Variants in PILRA observed in about 807,000 individuals in gnomAD.
PILRA encodes paired immunoglobin like type 2 receptor alpha.
In PILRA, 37 loss-of-function variants were observed where a neutral mutation model predicts 33.1. That is an observed-to-expected ratio of 1.12 (90% confidence interval 0.86 to 1.47). The LOEUF (loss-of-function observed/expected upper bound fraction) is 1.47, where lower values mean the gene tolerates loss of function less well. Among genes scored for constraint, PILRA ranks in the 40% most tolerant of loss-of-function variants. PILRA has a pLI of 0.00. For missense variants in PILRA, 312 were observed against 376.2 expected (o/e 0.83, Z 1.41); for synonymous variants, 146 against 149.9 (o/e 0.97, Z 0.19).
chr7:100,374,534 C>A, intron 2 of PILRA, 101 bp downstream of exon 2: 1 of 1,418,946 alleles, frequency 7.0e-7, no homozygotes, highest in Non-Finnish European at 9.8e-7. Context: ...CTTCTTCTGA[C>A]GACCCCTAAG....
chr7:100,383,829 G>A (rs1791182467), intron 2 of PILRA, among the ~76,000 whole-genome samples: 1 of 152,006 alleles, frequency 6.6e-6, no homozygotes, highest in Non-Finnish European at 1.5e-5. Flanking sequence ...TAGAGACAGG[G>A]TTTCACCATG....
At chr7:100,387,583 G>A (rs1157769125) in intron 2 of PILRA, among the ~76,000 whole-genome samples, 2 of 152,230 alleles carry the variant, frequency 1.3e-5, no homozygotes, top group South Asian at 2.1e-4. Context: ...GTTCATGCTT[G>A]TAGTCCCAGC....
At position 100,399,246 on chromosome 7, in the gene PILRA, A is replaced by T. The variant is rs1244849097; in HGVS notation, c.708-45A>T. On this transcript the variant is annotated intron_variant, in intron 4 of 6. Transcript: ENST00000198536. Reference sequence around the variant, plus strand: ...GCCACCACCCAGCCCATGTCTTAAAATGCCCAACCTCTAACATATTTCCTG... The same window carrying T: ...GCCACCACCCAGCCCATGTCTTAAATTGCCCAACCTCTAACATATTTCCTG... 4 of 1,491,654 alleles carry T rather than the reference A, an allele frequency of 2.7e-6. No homozygotes were observed. The African/African-American group carries it at 5.5e-5, about 21-fold the overall frequency. The allele number at this position is 1,491,654 out of a possible 1,614,324, so 92.4% of individuals were successfully genotyped here. A position where few individuals can be genotyped will look rare whatever the true frequency, so the allele number is the denominator to read the frequency against.
rs148369006 is a variant in PILRA at position 100,396,646 on chromosome 7, C to CT, written c.674-1232dup. Among the ~76,000 whole-genome samples the CT allele has an allele frequency of 3.5e-3, 540 of 152,246 alleles. 4 individuals carry two copies. Among genetic ancestry groups the CT allele is most frequent in the African/African-American group, 0.012 (512 of 41,528 alleles). On this transcript the variant is annotated intron_variant, in intron 3 of 6. Coordinates refer to ENST00000198536, the MANE Select transcript of PILRA (RefSeq NM_013439.3). ...CAGCCTGGGTGACAAGAGCGAAACTCTGTCTCAAAAAATAAAGAAAAAAAG... is the reference window on the plus strand; with the variant it reads ...CAGCCTGGGTGACAAGAGCGAAACTCTTGTCTCAAAAAATAAAGAAAAAAAG...
At chr7:100,390,276 C>T (rs1254763999) in intron 3 of PILRA, among the ~76,000 whole-genome samples, 170 bp downstream of exon 3, 1 of 152,154 alleles carries the variant, frequency 6.6e-6, no homozygotes. Context: ...GAGGCTCCTG[C>T]AGTGGGGCGG....
chr7:100,395,944 G>T (rs925461558), intron 3 of PILRA, among the ~76,000 whole-genome samples: 4 of 152,034 alleles, frequency 2.6e-5, no homozygotes, highest in African/African-American at 9.7e-5. Flanking sequence ...GGCCAACATG[G>T]TGAAACACCA....
At chr7:100,396,834 C>T (rs1022061738) in intron 3 of PILRA, among the ~76,000 whole-genome samples, 3 of 151,674 alleles carry the variant, frequency 2.0e-5, no homozygotes, top group Non-Finnish European at 4.4e-5. Context: ...TGTCAGAAAC[C>T]GCAGGGAGGA....
upstream of PILRA, among the ~76,000 whole-genome samples, chr7:100,372,942 G>A (rs540744571): frequency 2.0e-5 from 3 of 152,168 alleles, no homozygotes; most frequent in South Asian, 2.1e-4. Flanking sequence ...CTTCCAGAAG[G>A]ACCAGTCTCT....
At chr7:100,373,943 G>A (rs1443793207) in intron 1 of PILRA, 101 bp from the exon 2 acceptor site, 30 of 1,463,560 alleles carry the variant, frequency 2.0e-5, no homozygotes, top group Non-Finnish European at 2.6e-5. Context: ...CCTGTCACAC[G>A]ACTGCCTGTG....
At chr7:100,384,795 T>C (rs1371106959) in intron 2 of PILRA, among the ~76,000 whole-genome samples, 2 of 152,066 alleles carry the variant, frequency 1.3e-5, no homozygotes, top group Non-Finnish European at 2.9e-5. Context: ...AGGATACCAC[T>C]GATATTTAAT....
chr7:100,381,338 C>G (rs961567756), intron 2 of PILRA, among the ~76,000 whole-genome samples: 13 of 150,160 alleles, frequency 8.7e-5, no homozygotes, highest in African/African-American at 3.2e-4. Flanking sequence ...TCCAGCTACT[C>G]AGGAGGATGA....
intron 2 of PILRA, among the ~76,000 whole-genome samples, chr7:100,374,929 T>A (rs1476963790): frequency 6.6e-6 from 1 of 152,168 alleles, no homozygotes; most frequent in African/African-American, 2.4e-5. Flanking sequence ...TGGCTGGCCC[T>A]GGGAGCCCTG....
At chr7:100,374,572 C>T (rs2130155737) in intron 2 of PILRA, 139 bp downstream of exon 2, 3 of 939,838 alleles carry the variant, frequency 3.2e-6, no homozygotes, top group East Asian at 2.6e-5. Context: ...AACACTTCCT[C>T]AGGCCTTTGC....
chr7:100,394,271 G>T (rs926843581), intron 3 of PILRA, among the ~76,000 whole-genome samples: 6 of 152,056 alleles, frequency 3.9e-5, no homozygotes, highest in African/African-American at 1.5e-4. Flanking sequence ...CTAAGAGCAG[G>T]TACAGTGGCA....
At chr7:100,373,386 G>C, upstream of PILRA, 1 of 574,250 alleles carries the variant, frequency 1.7e-6, no homozygotes, top group Admixed American at 3.0e-5. Context: ...CAGGAGGACG[G>C]GGACCGCGGC....
At chr7:100,381,971 G>C (rs1371309749) in intron 2 of PILRA, among the ~76,000 whole-genome samples, 1 of 152,072 alleles carries the variant, frequency 6.6e-6, no homozygotes, top group Non-Finnish European at 1.5e-5. Context: ...GCAGGGCTCG[G>C]GACCTGCAGC....
chr7:100,390,493 G>A (rs578104473), intron 3 of PILRA, among the ~76,000 whole-genome samples: 57 of 152,284 alleles, frequency 3.7e-4, no homozygotes, highest in African/African-American at 1.3e-3. Context: ...CACCTGCCAC[G>A]GCCTGGCTTG....
intron 3 of PILRA, among the ~76,000 whole-genome samples, chr7:100,396,593 A>G (rs1400297391): frequency 2.6e-5 from 4 of 152,198 alleles, no homozygotes; most frequent in Non-Finnish European, 5.9e-5. Context: ...CAGAGGTTAC[A>G]GTGAGCCTAG....
At chr7:100,389,541 C>T (rs1791333359) in intron 2 of PILRA, among the ~76,000 whole-genome samples, 2 of 149,448 alleles carry the variant, frequency 1.3e-5, no homozygotes, top group African/African-American at 4.9e-5. Context: ...ACTGAGTTGC[C>T]TGTTAAGCTG....
Sources: allele counts gnomAD v4.1 joint callset (sites outside exome capture counted in the v4.1 genomes callset), GRCh38; gene constraint gnomAD v4.1.1; transcripts MANE v1.5; gene names NCBI Gene and HGNC (gene_info 2026-07-23, HGNC 2026-07-21).